Variants in ZNF552 observed in about 807,000 individuals in gnomAD.
The protein encoded by ZNF552 is zinc finger protein 552.
A neutral mutation model predicts 7.2 loss-of-function variants in ZNF552; 2 were observed. The ratio of observed to expected loss-of-function variants is 0.28; its 90% CI spans 0.11 to 0.88. The LOEUF (loss-of-function observed/expected upper bound fraction) is 0.88. Ranked by LOEUF, ZNF552 falls within the 40% of genes least tolerant of loss-of-function variation. The probability of loss-of-function intolerance (pLI) is 0.60; values close to 1 mark genes in which losing one functional copy is unlikely to be tolerated. For missense variants in ZNF552, 421 were observed against 493.4 expected, an observed-to-expected ratio of 0.85 and a Z score of 1.39; for synonymous variants, 173 against 176.5, an observed-to-expected ratio of 0.98 and a Z score of 0.16.
At position 57,808,625 on chromosome 19, in the gene ZNF552, G is replaced by A. The variant is rs775440754; in HGVS notation, c.639C>T (p.Ser213=). The change falls in exon 3 of 3, where the codon AGC becomes AGT. Residue 213 remains serine, a synonymous_variant. Transcript: ENST00000391701. ...TAAAATGTTTCATGCATCCTCCACAGCTGTAATGGCTTTTTCCCCCATGAA... is the reference window on the plus strand; with the variant it reads ...TAAAATGTTTCATGCATCCTCCACAACTGTAATGGCTTTTTCCCCCATGAA... The part of the protein sequence containing the change: ...SLFHGGKSHY[S]CGGCMKHFST... 1.5e-5 allele frequency: 24 copies of A among 1,614,050 alleles called. No individual in the cohort carries two copies. The African/African-American group carries it at 2.9e-4, about 20-fold the overall frequency.
chr19:57,813,734 C>CT (rs528034833), intron 1 of ZNF552, among the ~76,000 whole-genome samples: 1,239 of 86,288 alleles, frequency 0.014, 97 homozygotes, highest in Non-Finnish European at 0.017. Context: ...GCACCTCATT[C>CT]TTTTTTTTTT....
rs1987774871 is a variant in ZNF552 at position 57,808,069 on chromosome 19, G to C, written c.1195C>G (p.Gln399Glu). Residue 399 changes from glutamine to glutamate, a missense_variant, in exon 3 of 3, where the codon CAG (glutamine) becomes GAG (glutamate). Gln to Glu is a conservative substitution (Grantham distance 29, BLOSUM62 2). Around this residue, in one of 2 missense-constraint regions of ZNF552, gnomAD observed 299 missense variants for 293.7 expected, o/e 1.02. Transcript: ENST00000391701. Reference sequence around the variant, plus strand: ...AAGCCCTTTCTTTTGTGAACTCTCTGATGATGACGAAGTGAAGAGATTTGC... The same window carrying C: ...AAGCCCTTTCTTTTGTGAACTCTCTCATGATGACGAAGTGAAGAGATTTGC... Reference protein sequence around the residue: ...FRQISSLRHHQRVHKRKGL With the variant: ...FRQISSLRHHERVHKRKGL 4 of 1,613,404 alleles carry C rather than the reference G, an allele frequency of 2.5e-6. No individual in the cohort carries two copies. The highest frequency in any genetic ancestry group is 3.4e-6 in the Non-Finnish European group (4 of 1,179,698).
chr19:57,809,790 T>G (rs1403603370), intron 2 of ZNF552, among the ~76,000 whole-genome samples: 1 of 152,100 alleles, frequency 6.6e-6, no homozygotes, highest in African/African-American at 2.4e-5. Flanking sequence ...AAGACCAGCC[T>G]GGGAAACATG....
At position 57,814,778 on chromosome 19, in the gene ZNF552, G is replaced by A. The variant is rs751041126; in HGVS notation, c.-35C>T. On this transcript the variant is annotated 5_prime_UTR_variant, in exon 1 of 3. Transcript: ENST00000391701. The stretch of plus-strand genomic sequence containing the variant: ...TGGGGTAAGCTGGGTTGAGAGCAGC[G>A]GGCGCCGTTAAAGAGCTGCAGAGTC... 4 of 1,608,696 alleles carry A rather than the reference G, an allele frequency of 2.5e-6. No individual in the cohort carries two copies. Among genetic ancestry groups the A allele is most frequent in the South Asian group, 1.1e-5 (1 of 90,882 alleles).
chr19:57,814,186 T>C (rs1047950498), intron 1 of ZNF552, among the ~76,000 whole-genome samples: 1 of 152,168 alleles, frequency 6.6e-6, no homozygotes, highest in African/African-American at 2.4e-5. Flanking sequence ...CCAGGTGACC[T>C]TGGACTATTG....
Position 57,809,561 on chromosome 19 carries a change from T to G in ZNF552, c.161-458A>C, listed in dbSNP as rs146781652. ...CTGCAGATGAAGATGTGAATAAAATTAAGATGTGAGGTCCAGAGATGTGAA... is the reference window on the plus strand; with the variant it reads ...CTGCAGATGAAGATGTGAATAAAATGAAGATGTGAGGTCCAGAGATGTGAA... On this transcript the variant is annotated intron_variant, in intron 2 of 2. Coordinates refer to ENST00000391701, the MANE Select transcript of ZNF552 (RefSeq NM_024762.3). Among the ~76,000 whole-genome samples, 101 of 151,902 alleles carry G rather than the reference T, an allele frequency of 6.6e-4. 1 individual carries two copies. Among genetic ancestry groups the G allele is most frequent in the African/African-American group, 2.3e-3 (97 of 41,392 alleles).
In ZNF552 at chr19:57,807,410, G is replaced by T. The variant is rs1987761637; in HGVS notation, c.*630C>A. 6.6e-6 allele frequency: 1 copy of T among 152,114 alleles called. No homozygotes were observed. Among genetic ancestry groups the T allele is most frequent in the African/African-American group, 2.4e-5 (1 of 41,500 alleles). 9.4% of individuals were successfully genotyped at this position (152,114 alleles called of 1,614,324 possible). On this transcript the variant is annotated 3_prime_UTR_variant, in exon 3 of 3. Transcript: ENST00000391701. ...CATCTCTACTAAAAATACAAAAAAG[G>T]TAGGAGTGGTGGTGGTTGCCTGTAG...
intron 2 of ZNF552, among the ~76,000 whole-genome samples, chr19:57,812,342 C>T (rs1463892867): frequency 6.6e-6 from 1 of 152,082 alleles, no homozygotes; most frequent in Non-Finnish European, 1.5e-5. Context: ...CTCTTGACAT[C>T]ATGCACCACT....
intron 1 of ZNF552, chr19:57,814,465 G>T: frequency 6.6e-7 from 1 of 1,515,020 alleles, no homozygotes; most frequent in African/African-American, 1.4e-5. Context: ...ACAGGCGCCT[G>T]TGGACCCCAG....
rs1170700507 is a variant in ZNF552, at chr19:57,809,121, C to G, written c.161-18G>C. 25 of 1,535,834 alleles carry G rather than the reference C, an allele frequency of 1.6e-5. No homozygotes were observed. The highest frequency in any genetic ancestry group is 2.0e-5 in the Non-Finnish European group (23 of 1,139,080). Reference sequence around the variant, plus strand: ...CCAACAACCTGAAAGCAAGAAAATGCTGGTGAAGTGCATGTTAACTCTGGT... The same window carrying G: ...CCAACAACCTGAAAGCAAGAAAATGGTGGTGAAGTGCATGTTAACTCTGGT... On this transcript the variant is annotated intron_variant, in intron 2 of 2. Transcript: ENST00000391701.
rs1987767516 is a variant in ZNF552, at chr19:57,807,678, G to A, written c.*362C>T. 4.6e-6 allele frequency: 1 copy of A among 217,446 alleles called. No homozygotes were observed. The highest frequency in any genetic ancestry group is 2.3e-5 in the African/African-American group (1 of 43,572). The allele number at this position is 217,446 out of a possible 1,614,324, so 13.5% of individuals were successfully genotyped here. A position where few individuals can be genotyped will look rare whatever the true frequency, so the allele number is the denominator to read the frequency against. On this transcript the variant is annotated 3_prime_UTR_variant, in exon 3 of 3. Transcript: ENST00000391701. ...TCTGTGGTCCAGACTGGACTGCAGT[G>A]TTGCAATCTCGGCTCACTGCAACCT...
At position 57,808,415 on chromosome 19, in the gene ZNF552, G is replaced by C; in HGVS notation, c.849C>G (p.Leu283=). 15 of 1,613,862 alleles carry C rather than the reference G, an allele frequency of 9.3e-6. No individual in the cohort carries two copies. The highest frequency in any genetic ancestry group is 1.3e-5 in the Non-Finnish European group (15 of 1,179,900). The stretch of plus-strand genomic sequence containing the variant: ...CAGTGTGAATTCTCTGGTGTACAAG[G>C]AGGTGGGACTTACTGTTAAATAATT... ...CGKLFNSKSH[L]LVHQRIHTGE... The change falls in exon 3 of 3, where the codon CTC becomes CTG. Residue 283 remains leucine, a synonymous_variant. Transcript: ENST00000391701.
chr19:57,814,438 C>T, intron 1 of ZNF552: 2 of 1,373,324 alleles, frequency 1.5e-6, no homozygotes, highest in Middle Eastern at 1.8e-4. Context: ...GGAGTTCCGC[C>T]TCACAGGTTG....
Position 57,808,538 on chromosome 19 carries a change from C to G in ZNF552, c.726G>C (p.Trp242Cys), listed in dbSNP as rs2288538. The G allele has an allele frequency of 8.2e-3, 13,163 of 1,614,070 alleles. 647 individuals are homozygous for G. In the East Asian group the frequency reaches 0.11, roughly 14 times the overall value. The stretch of plus-strand genomic sequence containing the variant: ...TGCTAGAGGATTTCCCACATTCACA[C>G]CACACAGAAGGTTCTTCTGTAGGGA... ...RLLPTEEPSV[W>C]CECGKSSSKY... Residue 242 changes from tryptophan (W) to cysteine (C), a missense_variant, in exon 3 of 3, where the codon TGG becomes TGC. This residue lies in a region of ZNF552 where 299 missense variants were observed against 293.7 expected (regional missense o/e 1.02). Coordinates refer to ENST00000391701, the MANE Select transcript of ZNF552 (RefSeq NM_024762.3).
rs369084704 is a variant in ZNF552 at position 57,813,343 on chromosome 19, G to C, written c.111C>G (p.Cys37Trp). The C allele has an allele frequency of 1.4e-5, 23 of 1,614,066 alleles. No homozygotes were observed. In the African/African-American group the frequency reaches 3.1e-4, roughly 22 times the overall value. The part of the protein sequence containing the change: ...EWNLLSEAQR[C>W]LYRDVTLENL... ...TCTCCAGCGTCACATCACGGTACAGGCATCTCTGAGCCTCACTAAGGAGAT... is the reference window on the plus strand; with the variant it reads ...TCTCCAGCGTCACATCACGGTACAGCCATCTCTGAGCCTCACTAAGGAGAT... The change falls in exon 2 of 3, where the codon TGC (cysteine) becomes TGG (tryptophan). Residue 37 changes from cysteine to tryptophan, a missense_variant. Coordinates refer to ENST00000391701, the MANE Select transcript of ZNF552 (RefSeq NM_024762.3).
At position 57,814,854 on chromosome 19, in the gene ZNF552, AC is replaced by A; in HGVS notation, c.-112del. Reference sequence around the variant, plus strand: ...TCTCGACCTCCTGGATCCAGTCACCACCACGGTCCCAACACAGCGCTCCAAG... The same window carrying A: ...TCTCGACCTCCTGGATCCAGTCACCACACGGTCCCAACACAGCGCTCCAAG... On this transcript the variant is annotated 5_prime_UTR_variant, in exon 1 of 3. Transcript: ENST00000391701. 1 of 1,163,710 alleles carries A rather than the reference AC, an allele frequency of 8.6e-7. No individual in the cohort carries two copies. The highest frequency in any genetic ancestry group is 1.2e-6 in the Non-Finnish European group (1 of 826,750). 72.1% of individuals were successfully genotyped at this position (1,163,710 alleles called of 1,614,324 possible). A position where few individuals can be genotyped will look rare whatever the true frequency, so the allele number is the denominator to read the frequency against.
chr19:57,812,983 A>G (rs2122148829), intron 2 of ZNF552: 1 of 425,052 alleles, frequency 2.4e-6, no homozygotes, highest in Non-Finnish European at 4.2e-6. Context: ...AATAACAGGT[A>G]GAGGAATGAA....
At chr19:57,809,357 T>G (rs1293650223) in intron 2 of ZNF552, 1 of 705,234 alleles carries the variant, frequency 1.4e-6, no homozygotes, top group Non-Finnish European at 2.4e-6. Flanking sequence ...CTACAATCCC[T>G]GCATCTGCAA....
chr19:57,809,645 T>TA (rs1412414878), intron 2 of ZNF552, among the ~76,000 whole-genome samples: 8 of 140,414 alleles, frequency 5.7e-5, no homozygotes, highest in Non-Finnish European at 1.2e-4. Flanking sequence ...GTTAAAGGAT[T>TA]TAAAAAAAAA....
Sources: gnomAD v4.1 joint callset for allele counts (sites outside exome capture counted in the v4.1 genomes callset) on GRCh38, gnomAD v4.1.1 for gene constraint, gnomAD v4.1.1 regional missense constraint, MANE v1.5 for transcripts, NCBI Gene and HGNC (gene_info 2026-07-23, HGNC 2026-07-21) for gene names.